The following ANO6 variants were observed in gnomAD, a reference collection of about 807,000 sequenced individuals.
ANO6 encodes the protein anoctamin-6.
In ANO6, 106 loss-of-function variants were observed where a neutral mutation model predicts 117.5. The ratio of observed to expected loss-of-function variants is 0.90; its 90% CI spans 0.77 to 1.06. The LOEUF (loss-of-function observed/expected upper bound fraction) is 1.06, where lower values mean the gene tolerates loss of function less well. Among genes scored for constraint, ANO6 ranks in the 50% least tolerant of loss-of-function variants. ANO6 has a pLI of 0.00. For missense variants in ANO6, 955 were observed against 1,121.1 expected (o/e 0.85, Z 2.12); for synonymous variants, 367 against 385.1 (o/e 0.95, Z 0.55).
intron 2 of ANO6, among the ~76,000 whole-genome samples, chr12:45,310,050 G>A (rs1056670190): frequency 6.6e-6 from 1 of 152,106 alleles, no homozygotes; most frequent in Non-Finnish European, 1.5e-5. Flanking sequence ...TTCAAGAACC[G>A]AAGGTGATGG....
At chr12:45,439,647 CTTTTTTTTTTT>C in intron 19 of ANO6, 3 of 1,132,874 alleles carry the variant, frequency 2.6e-6, no homozygotes, top group Non-Finnish European at 3.4e-6. Context: ...GATTTAATTG[CTTTTTTTTTTT>C]TTTTTTTTTG....
intron 3 of ANO6, among the ~76,000 whole-genome samples, chr12:45,336,266 C>T (rs535140659): frequency 3.7e-4 from 56 of 151,940 alleles, no homozygotes; most frequent in South Asian, 1.0e-3. Context: ...CTCATTAAGT[C>T]TTATGCATAT....
At chr12:45,358,488 T>C (rs375216597) in intron 8 of ANO6, among the ~76,000 whole-genome samples, 2 of 151,442 alleles carry the variant, frequency 1.3e-5, no homozygotes, top group Admixed American at 1.3e-4. Context: ...AAAAAAAAAA[T>C]CAAAAATACA....
intron 8 of ANO6, among the ~76,000 whole-genome samples, chr12:45,361,114 C>T (rs1941544271): frequency 6.6e-6 from 1 of 152,046 alleles, no homozygotes; most frequent in Non-Finnish European, 1.5e-5. Context: ...AATGTTGATT[C>T]CATAGGTCAG....
intron 12 of ANO6, among the ~76,000 whole-genome samples, chr12:45,397,313 G>A (rs1228605094): frequency 2.0e-5 from 3 of 152,166 alleles, no homozygotes; most frequent in Admixed American, 1.3e-4. Context: ...AGTTAGAATG[G>A]TGATCATTAA....
At chr12:45,417,574 G>A (rs1222113352) in intron 17 of ANO6, among the ~76,000 whole-genome samples, 1 of 152,094 alleles carries the variant, frequency 6.6e-6, no homozygotes, top group Non-Finnish European at 1.5e-5. Context: ...ATTGATTATG[G>A]GCCATCTGAA....
chr12:45,434,691 G>T (rs200417772), downstream of ANO6, among the ~76,000 whole-genome samples: 1 of 152,188 alleles, frequency 6.6e-6, no homozygotes. Flanking sequence ...CCTCATTTCT[G>T]CTCTGTGGGA....
In ANO6 at chr12:45,376,775, C is replaced by T. The variant is rs1255037359; in HGVS notation, c.1105-1278C>T. Among the ~76,000 whole-genome samples, 7 of 150,172 alleles carry T rather than the reference C, an allele frequency of 4.7e-5. No individual in the cohort carries two copies. The South Asian group carries it at 6.3e-4, about 14-fold the overall frequency. ...CTAGATGATGAGTTAGTGGGTGCAG[C>T]GCACCAACATGGCACATGTATACAT... On this transcript the variant is annotated intron_variant, in intron 9 of 19. Coordinates refer to ENST00000320560, the MANE Select transcript of ANO6 (RefSeq NM_001025356.3).
At chr12:45,429,029 ACAAG>A in intron 19 of ANO6, 72 bp from the exon 20 acceptor site, 1 of 1,548,192 alleles carries the variant, frequency 6.5e-7, no homozygotes. Flanking sequence ...TGCCATAATG[ACAAG>A]CAAGAATGAA....
intron 1 of ANO6, among the ~76,000 whole-genome samples, chr12:45,246,070 G>A (rs999642454): frequency 6.6e-6 from 1 of 152,130 alleles, no homozygotes; most frequent in Admixed American, 6.5e-5. Flanking sequence ...AGAGAAATTA[G>A]CTTAAAGCAC....
At chr12:45,216,993 G>T (rs993560128) in intron 1 of ANO6, among the ~76,000 whole-genome samples, 18 of 152,204 alleles carry the variant, frequency 1.2e-4, no homozygotes, top group African/African-American at 4.3e-4. Flanking sequence ...CCCAGGCAGG[G>T]AGGACCGCAG....
intron 1 of ANO6, among the ~76,000 whole-genome samples, chr12:45,255,838 T>TTTTTTTTTTG (rs1937803143): frequency 1.9e-5 from 2 of 106,622 alleles, no homozygotes; most frequent in African/African-American, 6.3e-5. Context: ...TTTTTTTTTT[T>TTTTTTTTTTG]GAGACTGAAT....
At chr12:45,381,425 A>G (rs1444873670) in intron 10 of ANO6, among the ~76,000 whole-genome samples, 1 of 152,152 alleles carries the variant, frequency 6.6e-6, no homozygotes, top group East Asian at 1.9e-4. Context: ...GAGAGAGCAA[A>G]AGATACGGAA....
intron 3 of ANO6, among the ~76,000 whole-genome samples, chr12:45,331,865 A>G (rs1940676067): frequency 6.6e-6 from 1 of 152,118 alleles, no homozygotes; most frequent in Non-Finnish European, 1.5e-5. Flanking sequence ...CTATAATCAC[A>G]CCATTTTATG....
At chr12:45,254,214 G>C (rs1937729866) in intron 1 of ANO6, among the ~76,000 whole-genome samples, 1 of 152,192 alleles carries the variant, frequency 6.6e-6, no homozygotes, top group Admixed American at 6.5e-5. Context: ...GTGGATGCTG[G>C]ATGGCACAGA....
chr12:45,430,083 A>G lies in ANO6; in HGVS notation c.*772A>G. On this transcript the variant is annotated 3_prime_UTR_variant, in exon 20 of 20. Coordinates refer to ENST00000320560, the MANE Select transcript of ANO6 (RefSeq NM_001025356.3). ...GGAATAAAATGACAAAAGCAGGGAA[A>G]GTTACAGATTCAAACAGCATTTTAA... is the stretch of plus-strand genomic sequence containing the variant. 2.0e-6 allele frequency: 2 copies of G among 985,482 alleles called. No individual in the cohort carries two copies. Among genetic ancestry groups the G allele is most frequent in the Admixed American group, 6.1e-5 (1 of 16,286 alleles). The allele number at this position is 985,482 out of a possible 1,614,324, so 61.0% of individuals were successfully genotyped here.
chr12:45,412,955 T>C (rs1943123308), intron 16 of ANO6, among the ~76,000 whole-genome samples: 1 of 152,160 alleles, frequency 6.6e-6, no homozygotes, highest in Admixed American at 6.5e-5. Context: ...GAGGTGGACA[T>C]ATTTAAAAGT....
At chr12:45,288,218 G>A (rs192542517) in intron 1 of ANO6, among the ~76,000 whole-genome samples, 16 of 152,192 alleles carry the variant, frequency 1.1e-4, no homozygotes, top group Admixed American at 1.0e-3. Flanking sequence ...ACACTTTTTT[G>A]TGTGTGGTGG....
At chr12:45,408,995 T>G (rs997449534) in intron 15 of ANO6, among the ~76,000 whole-genome samples, 4 of 152,192 alleles carry the variant, frequency 2.6e-5, no homozygotes, top group African/African-American at 7.2e-5. Flanking sequence ...ATACTCTACC[T>G]TGTTTTCTCT....
Sources: allele counts gnomAD v4.1 joint callset (sites outside exome capture counted in the v4.1 genomes callset), GRCh38; gene constraint gnomAD v4.1.1; transcripts MANE v1.5; gene names NCBI Gene and HGNC (gene_info 2026-07-23, HGNC 2026-07-21).